The following SNX29 variants were observed in gnomAD, a reference collection of about 807,000 sequenced individuals.
SNX29 encodes sorting nexin-29.
A neutral mutation model predicts 102.1 loss-of-function variants in SNX29; 78 were observed. The ratio of observed to expected loss-of-function variants is 0.76; its 90% CI spans 0.64 to 0.92. The LOEUF (loss-of-function observed/expected upper bound fraction) is 0.92. Ranked by LOEUF, SNX29 falls within the 40% of genes least tolerant of loss-of-function variation. SNX29 has a pLI of 0.00. For missense variants in SNX29, 1,280 were observed against 1,061.7 expected, an observed-to-expected ratio of 1.21 and a Z score of -2.86; for synonymous variants, 580 against 414.5, an observed-to-expected ratio of 1.40 and a Z score of -4.85.
At chr16:12,184,979 AG>A (rs1238290096) in intron 13 of SNX29, among the ~76,000 whole-genome samples, 1 of 152,176 alleles carries the variant, frequency 6.6e-6, no homozygotes, top group Non-Finnish European at 1.5e-5. Context: ...TGTGTGTTTG[AG>A]GGGCCAACAG....
intron 14 of SNX29, among the ~76,000 whole-genome samples, chr16:12,218,074 G>A (rs931993125): frequency 9.9e-5 from 15 of 150,758 alleles, no homozygotes; most frequent in African/African-American, 3.7e-4. Context: ...AATTATGGAA[G>A]GCTCTATTAT....
intron 14 of SNX29, among the ~76,000 whole-genome samples, chr16:12,240,440 A>G (rs1355382848): frequency 6.6e-6 from 1 of 151,796 alleles, no homozygotes; most frequent in Non-Finnish European, 1.5e-5. Flanking sequence ...AGGACTATTG[A>G]CCATTTGTTG....
At chr16:12,566,361 C>G (rs1041254330) in intron 20 of SNX29, among the ~76,000 whole-genome samples, 1 of 152,188 alleles carries the variant, frequency 6.6e-6, no homozygotes, top group African/African-American at 2.4e-5. Context: ...TGCTACCTCT[C>G]CTCTCCCAAC....
At chr16:12,118,265 C>A (rs565479204) in intron 11 of SNX29, among the ~76,000 whole-genome samples, 12 of 146,396 alleles carry the variant, frequency 8.2e-5, no homozygotes, top group African/African-American at 3.1e-4. Context: ...CTAAAGTGCT[C>A]ATGATGCCTT....
chr16:12,208,745 G>T (rs2077109221), intron 14 of SNX29, among the ~76,000 whole-genome samples: 1 of 152,084 alleles, frequency 6.6e-6, no homozygotes, highest in South Asian at 2.1e-4. Flanking sequence ...GGAGGCTGAG[G>T]TGGGAGGATC....
intron 20 of SNX29, among the ~76,000 whole-genome samples, chr16:12,553,036 G>A (rs117198849): frequency 0.011 from 1,600 of 152,318 alleles, 16 homozygotes; most frequent in African/African-American, 0.024. Context: ...TAAGAGGCTG[G>A]GGACACTAAT....
At chr16:12,425,729 C>T (rs1310062304) in intron 18 of SNX29, among the ~76,000 whole-genome samples, 3 of 151,942 alleles carry the variant, frequency 2.0e-5, no homozygotes, top group African/African-American at 7.3e-5. Context: ...ATGATTTGGG[C>T]GGCCAGGGTC....
intron 11 of SNX29, among the ~76,000 whole-genome samples, chr16:12,114,515 A>G (rs1372896670): frequency 6.6e-6 from 1 of 151,422 alleles, no homozygotes; most frequent in African/African-American, 2.4e-5. Flanking sequence ...CACTGTGGTT[A>G]TGGGTTCCAG....
chr16:12,252,257 C>T (rs1309510018), intron 14 of SNX29, among the ~76,000 whole-genome samples: 1 of 151,604 alleles, frequency 6.6e-6, no homozygotes, highest in Non-Finnish European at 1.5e-5. Flanking sequence ...AACTCTTCCT[C>T]TTCCTCTATC....
chr16:12,378,402 C>T (rs542181870), intron 16 of SNX29, among the ~76,000 whole-genome samples: 12 of 152,256 alleles, frequency 7.9e-5, no homozygotes, highest in East Asian at 1.9e-4. Context: ...GTAATCCCAG[C>T]GCTTTAGGAG....
At chr16:12,295,816 C>A (rs1353485194) in intron 15 of SNX29, among the ~76,000 whole-genome samples, 2 of 150,628 alleles carry the variant, frequency 1.3e-5, no homozygotes, top group Non-Finnish European at 1.5e-5. Flanking sequence ...TTTTTTAATC[C>A]ATTTTTAAGG....
chr16:12,518,495 C>T (rs1045820927), intron 19 of SNX29, among the ~76,000 whole-genome samples: 1 of 152,336 alleles, frequency 6.6e-6, no homozygotes, highest in African/African-American at 2.4e-5. Flanking sequence ...ACACGCCTTT[C>T]CTCCAGGAGC....
At chr16:12,457,328 G>T (rs1179095906) in intron 18 of SNX29, among the ~76,000 whole-genome samples, 1 of 152,206 alleles carries the variant, frequency 6.6e-6, no homozygotes, top group Non-Finnish European at 1.5e-5. Context: ...CAGCTGGCAG[G>T]TGGTGGAGTC....
chr16:12,329,148 G>A (rs370361462), intron 15 of SNX29, among the ~76,000 whole-genome samples: 32 of 151,550 alleles, frequency 2.1e-4, no homozygotes, highest in African/African-American at 7.0e-4. Context: ...ATGGTGGTGC[G>A]TACCTGTGGT....
chr16:12,556,856 G>T (rs1016169532), intron 20 of SNX29, among the ~76,000 whole-genome samples: 1 of 151,452 alleles, frequency 6.6e-6, no homozygotes, highest in Non-Finnish European at 1.5e-5. Context: ...GGAAAAAATT[G>T]AATTTTTTTT....
At chr16:12,513,623 G>A (rs2089734465) in intron 19 of SNX29, among the ~76,000 whole-genome samples, 2 of 152,142 alleles carry the variant, frequency 1.3e-5, no homozygotes, top group African/African-American at 2.4e-5. Flanking sequence ...CCGTTGCCCC[G>A]CTGATTGGCC....
chr16:11,978,941 C>CA (rs368512227), intron 1 of SNX29, among the ~76,000 whole-genome samples: 3 of 148,848 alleles, frequency 2.0e-5, no homozygotes, highest in South Asian at 4.3e-4. Flanking sequence ...AACAAACAAA[C>CA]AAAAAAACAA....
At chr16:12,296,102 G>A (rs141132640) in intron 15 of SNX29, among the ~76,000 whole-genome samples, 2 of 152,118 alleles carry the variant, frequency 1.3e-5, no homozygotes, top group East Asian at 1.9e-4. Context: ...TTCTTCCTTC[G>A]GTGGTAAAAA....
chr16:12,377,585 A>G (rs973578030), intron 16 of SNX29, among the ~76,000 whole-genome samples: 3 of 152,196 alleles, frequency 2.0e-5, no homozygotes, highest in Admixed American at 6.5e-5. Context: ...CGGGTAGGTT[A>G]TGAGGCTTCA....
Sources: gnomAD v4.1 joint callset for allele counts (sites outside exome capture counted in the v4.1 genomes callset) on GRCh38, gnomAD v4.1.1 for gene constraint, MANE v1.5 for transcripts, NCBI Gene and HGNC (gene_info 2026-07-23, HGNC 2026-07-21) for gene names.